The following MED22 variants were observed in gnomAD, a reference collection of about 807,000 sequenced individuals.
MED22 encodes the protein mediator of RNA polymerase II transcription subunit 22.
Under a neutral mutation model 22.7 loss-of-function variants are expected in MED22, and 22 were observed. That is an observed-to-expected ratio of 0.97 (90% CI 0.69 to 1.38). The LOEUF (loss-of-function observed/expected upper bound fraction) is 1.38, where lower values mean the gene tolerates loss of function less well. MED22 is among the 40% of genes most tolerant of loss of function. MED22 has a pLI of 0.00. For synonymous variants in MED22, 134 were observed against 119.4 expected (o/e 1.12, Z -0.80); for missense variants, 247 against 263.0 (o/e 0.94, Z 0.42).
chr9:133,342,620 C>T lies in MED22; in HGVS notation c.414-926G>A, dbSNP rs2129954103. 112 of 986,304 alleles carry T rather than the reference C, an allele frequency of 1.1e-4. 3 individuals are homozygous for T. In the South Asian group the frequency reaches 3.0e-3, roughly 26 times the overall value. 61.1% of individuals were successfully genotyped at this position (986,304 alleles called of 1,614,324 possible). On this transcript the variant is annotated intron_variant, in intron 4 of 4. Coordinates refer to ENST00000343730, the MANE Select transcript of MED22 (RefSeq NM_133640.5). Reference sequence around the variant, plus strand: ...GCAAGAAGGGGCAGAGGAAACTCGGCCAGGACCTGGTCGCTTAAAGGCAAT... The same window carrying T: ...GCAAGAAGGGGCAGAGGAAACTCGGTCAGGACCTGGTCGCTTAAAGGCAAT...
chr9:133,342,398 T>C, intron 4 of MED22: 13 of 986,020 alleles, frequency 1.3e-5, no homozygotes, highest in Non-Finnish European at 1.6e-5. Context: ...CGCCCCTGGC[T>C]TCCTCCCTTG....
Position 133,344,304 on chromosome 9 carries a change from C to T in MED22, c.234G>A (p.Leu78=). 1 of 1,614,154 alleles carries T rather than the reference C, an allele frequency of 6.2e-7. No homozygotes were observed. ...TCAGGAACTGCTTGAGGTCGGACACCAGCTTCATCAGGGACTCGCCGGCTC... is the reference window on the plus strand; with the variant it reads ...TCAGGAACTGCTTGAGGTCGGACACTAGCTTCATCAGGGACTCGCCGGCTC... The part of the protein sequence containing the change: ...IVRAGESLMK[L]VSDLKQFLIL... Residue 78 remains leucine, a synonymous_variant, in exon 4 of 5, where the codon CTG becomes CTA. Coordinates refer to ENST00000343730, the MANE Select transcript of MED22 (RefSeq NM_133640.5).
intron 4 of MED22, 79 bp from the exon 5 acceptor site, chr9:133,341,773 A>G: frequency 6.4e-7 from 1 of 1,550,936 alleles, no homozygotes; most frequent in Non-Finnish European, 8.6e-7. Context: ...GCAAGACAGA[A>G]GCAGAGTTAA....
chr9:133,343,753 T>C (rs1836084101), intron 4 of MED22: 3 of 1,324,722 alleles, frequency 2.3e-6, no homozygotes, highest in Non-Finnish European at 2.9e-6. Flanking sequence ...CTGAAATCTC[T>C]ACATATGGAT....
intron 4 of MED22, chr9:133,342,661 A>C (rs1227307422): frequency 1.0e-6 from 1 of 985,668 alleles, no homozygotes; most frequent in Non-Finnish European, 1.2e-6. Flanking sequence ...GAGGAGGGCA[A>C]CTGCTTCTGC....
chr9:133,345,484 C>G (rs1181621842), intron 2 of MED22, among the ~76,000 whole-genome samples: 1 of 152,194 alleles, frequency 6.6e-6, no homozygotes, highest in Non-Finnish European at 1.5e-5. Flanking sequence ...TTGCTCAAGA[C>G]AAATAGAGGC....
At chr9:133,343,450 C>T (rs2129956791) in intron 4 of MED22, 58 of 1,227,370 alleles carry the variant, frequency 4.7e-5, no homozygotes, top group South Asian at 8.3e-5. Context: ...CAGCTTCTTA[C>T]GGAGCCCCAC....
Position 133,341,282 on chromosome 9 carries a change from A to C in MED22, c.*223T>G, listed in dbSNP as rs1457992937. ...AGGAAGGCAGCAAACAGAGATGATG[A>C]CTCGGAATGATGGGCTATTCGGAAA... On this transcript the variant is annotated 3_prime_UTR_variant, in exon 5 of 5. Coordinates refer to ENST00000343730, the MANE Select transcript of MED22 (RefSeq NM_133640.5). 1.1e-5 allele frequency: 5 copies of C among 451,662 alleles called. No homozygotes were observed. In the East Asian group the frequency reaches 1.8e-4, roughly 17 times the overall value. 28.0% of individuals were successfully genotyped at this position (451,662 alleles called of 1,614,324 possible). A position where few individuals can be genotyped will look rare whatever the true frequency, so the allele number is the denominator to read the frequency against.
At chr9:133,344,378 G>T (rs1836120333) in intron 3 of MED22, 45 bp from the exon 4 acceptor site, 2 of 1,603,100 alleles carry the variant, frequency 1.2e-6, no homozygotes, top group South Asian at 2.2e-5. Context: ...AGGGGGGACA[G>T]CGGCCTTGCC....
chr9:133,342,614 A>G, intron 4 of MED22: 1 of 986,286 alleles, frequency 1.0e-6, no homozygotes, highest in African/African-American at 1.7e-5. Context: ...GGCAGAGGAA[A>G]CTCGGCCAGG....
At chr9:133,342,672 C>T in intron 4 of MED22, 19 of 985,778 alleles carry the variant, frequency 1.9e-5, no homozygotes, top group Non-Finnish European at 2.3e-5. Flanking sequence ...CTGCTTCTGC[C>T]ACAGGGGCTG....
In MED22 at chr9:133,342,316, G is replaced by A. The variant is rs2129952797; in HGVS notation, c.414-622C>T. ...AGCTCAGCTAGCCCTTCCCATGCCC[G>A]CAGCTGTGACAATCCACGCTCGCCT... On this transcript the variant is annotated intron_variant, in intron 4 of 4. Transcript: ENST00000343730. 28 of 985,992 alleles carry A rather than the reference G, an allele frequency of 2.8e-5. No individual in the cohort carries two copies. The Admixed American group carries it at 1.4e-3, about 48-fold the overall frequency. The allele number at this position is 985,992 out of a possible 1,614,324, so 61.1% of individuals were successfully genotyped here.
chr9:133,343,929 G>A, intron 4 of MED22, 196 bp downstream of exon 4: 2 of 1,441,050 alleles, frequency 1.4e-6, no homozygotes, highest in Non-Finnish European at 1.8e-6. Flanking sequence ...TGTGGGAAAG[G>A]CCCAGGGCCC....
At chr9:133,346,865 G>A (rs1836200670) in intron 1 of MED22, among the ~76,000 whole-genome samples, 165 bp from the exon 2 acceptor site, 1 of 152,154 alleles carries the variant, frequency 6.6e-6, no homozygotes, top group Non-Finnish European at 1.5e-5. Flanking sequence ...CACCGCAGGG[G>A]GTGCCAGGAC....
Position 133,338,943 on chromosome 9 carries a change from A to C in MED22, c.*2562T>G. On this transcript the variant is annotated 3_prime_UTR_variant, in exon 5 of 5. Transcript: ENST00000343730. ...AATGCAACACACAATAAAAACAGGC[A>C]TAAAAGCCTTTCAGCTGGAACCGCC... is the stretch of plus-strand genomic sequence containing the variant. 1.6e-6 allele frequency: 1 copy of C among 624,722 alleles called. No homozygotes were observed. Among genetic ancestry groups the C allele is most frequent in the Admixed American group, 1.9e-5 (1 of 53,846 alleles). 38.7% of individuals were successfully genotyped at this position (624,722 alleles called of 1,614,324 possible).
At chr9:133,347,292 GATC>G (rs1554767259) in intron 1 of MED22, 1 of 152,784 alleles carries the variant, frequency 6.5e-6, no homozygotes, top group Non-Finnish European at 1.5e-5. Context: ...CCGAGGCAGG[GATC>G]ACCTGAGGTC....
intron 4 of MED22, chr9:133,342,362 G>C: frequency 1.0e-6 from 1 of 986,170 alleles, no homozygotes; most frequent in African/African-American, 1.7e-5. Flanking sequence ...TGCAGGCAGG[G>C]GCCCTGGCTT....
chr9:133,339,381 G>C lies in MED22; in HGVS notation c.*2124C>G, dbSNP rs1355436708. 4.1e-6 allele frequency: 3 copies of C among 739,030 alleles called. No individual in the cohort carries two copies. Among genetic ancestry groups the C allele is most frequent in the South Asian group, 1.4e-5 (1 of 72,840 alleles). 45.8% of individuals were successfully genotyped at this position (739,030 alleles called of 1,614,324 possible). A position where few individuals can be genotyped will look rare whatever the true frequency, so the allele number is the denominator to read the frequency against. On this transcript the variant is annotated 3_prime_UTR_variant, in exon 5 of 5. Transcript: ENST00000343730. ...CTGGATTCAACTGAAGCGCCAGCCTGCTCCACCCAGAGCAGCACACTGTGA... is the reference window on the plus strand; with the variant it reads ...CTGGATTCAACTGAAGCGCCAGCCTCCTCCACCCAGAGCAGCACACTGTGA...
In MED22 at chr9:133,346,702, T is replaced by C; in HGVS notation, c.-38-2A>G. 2 of 1,604,520 alleles carry C rather than the reference T, an allele frequency of 1.2e-6. No homozygotes were observed. Among genetic ancestry groups the C allele is most frequent in the Middle Eastern group, 1.7e-4 (1 of 5,878 alleles). On this transcript the variant is annotated splice_acceptor_variant, in intron 1 of 4. Coordinates refer to ENST00000343730, the MANE Select transcript of MED22 (RefSeq NM_133640.5). LOFTEE classifies it low-confidence loss of function (5UTR_SPLICE). ...CAGCGCAGCGGGGAGACCTGGGACCTAGAGTGCAGCACAGACCTCTGAGTG... is the reference window on the plus strand; with the variant it reads ...CAGCGCAGCGGGGAGACCTGGGACCCAGAGTGCAGCACAGACCTCTGAGTG...
Sources: allele counts gnomAD v4.1 joint callset (sites outside exome capture counted in the v4.1 genomes callset), GRCh38; gene constraint gnomAD v4.1.1; transcripts MANE v1.5; gene names NCBI Gene and HGNC (gene_info 2026-07-23, HGNC 2026-07-21).